PCLAF: variants seen among roughly 807,000 people sequenced by gnomAD.
PCLAF encodes the protein PCNA-associated factor.
A neutral mutation model predicts 15.1 loss-of-function variants in PCLAF; 12 were observed. The observed-to-expected ratio is 0.79, with a 90% CI of 0.51 to 1.29. PCLAF has a LOEUF of 1.29. Among genes scored for constraint, PCLAF ranks in the 50% most tolerant of loss-of-function variants. The pLI is 0.00. For synonymous variants in PCLAF, 33 were observed against 47.1 expected (o/e 0.70, Z 1.22); for missense variants, 116 against 130.9 (o/e 0.89, Z 0.56).
chr15:64,370,189 A>C (rs1596321505), intron 3 of PCLAF, among the ~76,000 whole-genome samples: 1 of 144,730 alleles, frequency 6.9e-6, no homozygotes, highest in Non-Finnish European at 1.5e-5. Flanking sequence ...AGCGACTCCC[A>C]CCTTAACCTC....
At chr15:64,377,645 A>G (rs1362816811) in intron 2 of PCLAF, among the ~76,000 whole-genome samples, 1 of 146,618 alleles carries the variant, frequency 6.8e-6, no homozygotes, top group Non-Finnish European at 1.5e-5. Context: ...CATTTAGTTA[A>G]AGCACATATA....
chr15:64,381,147 G>T (rs1277532626), intron 1 of PCLAF, 109 bp from the exon 2 acceptor site: 1 of 1,250,926 alleles, frequency 8.0e-7, no homozygotes, highest in East Asian at 2.3e-5. Context: ...AGAACAGCAG[G>T]ATAACCTTAC....
At chr15:64,368,282 C>CTG (rs1566964062) in intron 3 of PCLAF, among the ~76,000 whole-genome samples, 6 of 151,890 alleles carry the variant, frequency 4.0e-5, no homozygotes, top group Middle Eastern at 3.4e-3. Context: ...GAGGTGGACT[C>CTG]CAGCCTGGGC....
At position 64,366,033 on chromosome 15, in the gene PCLAF, T is replaced by C. The variant is rs1310105135; in HGVS notation, c.333A>G (p.Glu111=). The C allele has an allele frequency of 6.2e-7, 1 of 1,609,718 alleles. No homozygotes were observed. Among genetic ancestry groups the C allele is most frequent in the Non-Finnish European group, 8.5e-7 (1 of 1,177,096 alleles). The change falls in exon 4 of 4, where the codon GAA becomes GAG. Residue 111 remains glutamate, a synonymous_variant. Coordinates refer to ENST00000300035, the MANE Select transcript of PCLAF (RefSeq NM_014736.6). ...TTCAAAGATGAATGAGAAAGTTCTA[T>C]TCTTTTTCATCATTTGTGTGATCAG... ...LQPDHTNDEK[E]
At chr15:64,370,365 C>T (rs913652714) in intron 3 of PCLAF, among the ~76,000 whole-genome samples, 2 of 149,886 alleles carry the variant, frequency 1.3e-5, no homozygotes, top group African/African-American at 4.9e-5. Context: ...TCATGGAGTA[C>T]GTATTTCTTT....
intron 3 of PCLAF, chr15:64,373,163 T>A (rs556685240): frequency 1.3e-5 from 2 of 152,352 alleles, no homozygotes; most frequent in South Asian, 4.1e-4. Context: ...TACCTAATCA[T>A]TTTACAGCCT....
intron 3 of PCLAF, among the ~76,000 whole-genome samples, chr15:64,369,564 CT>C (rs201774460): frequency 2.0e-5 from 3 of 150,790 alleles, no homozygotes; most frequent in East Asian, 3.9e-4. Context: ...TGAATAATTT[CT>C]TTTTTTTTGA....
intron 2 of PCLAF, among the ~76,000 whole-genome samples, chr15:64,380,464 T>G (rs1206499068): frequency 2.6e-5 from 4 of 152,074 alleles, no homozygotes; most frequent in Non-Finnish European, 2.9e-5. Flanking sequence ...CTCATGCCTG[T>G]AATCCCAGTA....
chr15:64,387,066 C>T (rs946998159), intron 1 of PCLAF, among the ~76,000 whole-genome samples: 6 of 151,822 alleles, frequency 4.0e-5, no homozygotes, highest in Admixed American at 2.6e-4. Flanking sequence ...TTTTTACCCT[C>T]GAGCTTGCTG....
At chr15:64,376,703 GATAA>G (rs1459146647) in intron 3 of PCLAF, 36 bp downstream of exon 3, 2 of 1,544,904 alleles carry the variant, frequency 1.3e-6, no homozygotes, top group Admixed American at 1.8e-5. Context: ...ACAGGCGTGA[GATAA>G]ATATTTTCTT....
At chr15:64,367,556 G>GC (rs1899094981) in intron 3 of PCLAF, among the ~76,000 whole-genome samples, 1 of 149,104 alleles carries the variant, frequency 6.7e-6, no homozygotes, top group African/African-American at 2.5e-5. Context: ...ACCCATTATA[G>GC]TTTTTTTTTT....
At chr15:64,376,187 T>C (rs904486431) in intron 3 of PCLAF, among the ~76,000 whole-genome samples, 1 of 151,922 alleles carries the variant, frequency 6.6e-6, no homozygotes, top group African/African-American at 2.4e-5. Context: ...ATAGCGCCAC[T>C]GCCCTCTAGC....
At chr15:64,374,711 T>C (rs983065685) in intron 3 of PCLAF, among the ~76,000 whole-genome samples, 1 of 151,948 alleles carries the variant, frequency 6.6e-6, no homozygotes, top group Middle Eastern at 3.2e-3. Context: ...CTGAACTCCA[T>C]GGCACATGCC....
intron 3 of PCLAF, chr15:64,373,501 A>G: frequency 1.2e-6 from 1 of 849,856 alleles, no homozygotes. Flanking sequence ...CTGCCTCTTA[A>G]TGGTAGAGAT....
chr15:64,383,389 T>C (rs1304536432), upstream of PCLAF, among the ~76,000 whole-genome samples: 1 of 150,802 alleles, frequency 6.6e-6, no homozygotes, highest in African/African-American at 2.4e-5. Context: ...TTTTTTGAGA[T>C]GGAGTCTCAC....
At position 64,373,892 on chromosome 15, in the gene PCLAF, G is replaced by T. The variant is rs373808221; in HGVS notation, c.290+2851C>A. 119 of 863,174 alleles carry T rather than the reference G, an allele frequency of 1.4e-4. No individual in the cohort carries two copies. In the South Asian group the frequency reaches 2.4e-3, roughly 17 times the overall value. The allele number at this position is 863,174 out of a possible 1,614,324, so 53.5% of individuals were successfully genotyped here. ...CGAAACAAAACATTTAAGTTGCTTAGAAAGCCTGGACCTTATTAATTACAA... is the reference window on the plus strand; with the variant it reads ...CGAAACAAAACATTTAAGTTGCTTATAAAGCCTGGACCTTATTAATTACAA... On this transcript the variant is annotated intron_variant, in intron 3 of 3. Coordinates refer to ENST00000300035, the MANE Select transcript of PCLAF (RefSeq NM_014736.6).
At chr15:64,375,275 C>A (rs1268680556) in intron 3 of PCLAF, among the ~76,000 whole-genome samples, 1 of 152,108 alleles carries the variant, frequency 6.6e-6, no homozygotes, top group Non-Finnish European at 1.5e-5. Context: ...CAGGCACGTG[C>A]CACCACGCCC....
At chr15:64,367,030 C>T (rs1025627269) in intron 3 of PCLAF, among the ~76,000 whole-genome samples, 1 of 150,760 alleles carries the variant, frequency 6.6e-6, no homozygotes, top group Admixed American at 6.6e-5. Context: ...ACTCAGGAGG[C>T]CTGAGGCAGG....
chr15:64,366,624 G>A (rs1344889665), intron 3 of PCLAF, among the ~76,000 whole-genome samples: 1 of 151,784 alleles, frequency 6.6e-6, no homozygotes, highest in Non-Finnish European at 1.5e-5. Context: ...GATTGCTTGA[G>A]CCCAAGAGTT....
Sources: allele counts gnomAD v4.1 joint callset (sites outside exome capture counted in the v4.1 genomes callset), GRCh38; gene constraint gnomAD v4.1.1; transcripts MANE v1.5; gene names NCBI Gene and HGNC (gene_info 2026-07-23, HGNC 2026-07-21).